The following SND1 variants were observed in gnomAD, a reference collection of about 807,000 sequenced individuals.
The protein encoded by SND1 is staphylococcal nuclease and tudor domain containing 1.
In SND1, 38 loss-of-function variants were observed where a neutral mutation model predicts 121.7. The ratio of observed to expected loss-of-function variants is 0.31; its 90% confidence interval spans 0.24 to 0.41. The LOEUF is 0.41. Ranked by LOEUF, SND1 falls within the 10% of genes least tolerant of loss-of-function variation. The pLI, the probability that SND1 is intolerant of heterozygous loss-of-function variation, is 1.00. For synonymous variants in SND1, 401 were observed against 447.4 expected (o/e 0.90, Z 1.31); for missense variants, 868 against 1,184.6 (o/e 0.73, Z 3.92).
chr7:128,031,002 T>C (rs1380910013), intron 16 of SND1: 1 of 159,274 alleles, frequency 6.3e-6, no homozygotes, highest in Non-Finnish European at 1.4e-5. Context: ...GACTTCTTAG[T>C]TTTAATTAAC....
intron 16 of SND1, chr7:127,999,220 T>C (rs908063547): frequency 6.6e-6 from 1 of 152,066 alleles, no homozygotes; most frequent in African/African-American, 2.4e-5. Context: ...CCTTGGAACA[T>C]GTAGGAAGGC....
intron 1 of SND1, among the ~76,000 whole-genome samples, chr7:127,659,946 A>T (rs1235535975): frequency 6.6e-6 from 1 of 151,656 alleles, no homozygotes; most frequent in African/African-American, 2.4e-5. Context: ...GAAATCTCAT[A>T]CCTTAACGGC....
In SND1 at chr7:128,029,643, A is replaced by T. The variant is rs1487193136; in HGVS notation, c.1779+38587A>T. The T allele has an allele frequency of 1.2e-6, 2 of 1,613,884 alleles. No individual in the cohort carries two copies. Among genetic ancestry groups the T allele is most frequent in the Non-Finnish European group, 1.7e-6 (2 of 1,180,006 alleles). On this transcript the variant is annotated intron_variant, in intron 16 of 23. Transcript: ENST00000354725. This position sits in a 1 kb window ranked among gnomAD's most constrained non-coding sequence, Gnocchi z 4.2. The stretch of plus-strand genomic sequence containing the variant: ...CACGAGGTAGCGGCCTCGCATGTGC[A>T]TGGGAGCATGACAGCGGCCACAGCA...
At chr7:127,694,654 C>G (rs1315731557) in intron 2 of SND1, 174 bp from the exon 3 acceptor site, 2 of 685,908 alleles carry the variant, frequency 2.9e-6, no homozygotes, top group Non-Finnish European at 4.7e-6. Context: ...TTATGAGCCC[C>G]CTAAGTGTGC....
chr7:128,045,273 C>T (rs1293651489), intron 16 of SND1, among the ~76,000 whole-genome samples: 1 of 152,218 alleles, frequency 6.6e-6, no homozygotes, highest in Admixed American at 6.5e-5. Context: ...CTCCTCCCCA[C>T]CCCACCCAGT....
At chr7:127,683,967 T>G (rs1795771346) in intron 1 of SND1, among the ~76,000 whole-genome samples, 1 of 152,230 alleles carries the variant, frequency 6.6e-6, no homozygotes, top group African/African-American at 2.4e-5. Context: ...TTTGCACAAT[T>G]ACTGTGTACA....
chr7:127,655,556 A>G (rs1795195561), intron 1 of SND1, among the ~76,000 whole-genome samples: 1 of 152,244 alleles, frequency 6.6e-6, no homozygotes, highest in African/African-American at 2.4e-5. Context: ...TGAGACTAGC[A>G]AGTATGTGGG....
At chr7:127,837,990 C>G (rs1798896621) in intron 11 of SND1, among the ~76,000 whole-genome samples, 1 of 152,172 alleles carries the variant, frequency 6.6e-6, no homozygotes, top group African/African-American at 2.4e-5. Flanking sequence ...GCCCCTACTG[C>G]TATGTTGTTC....
Position 127,767,472 on chromosome 7 carries a change from G to A in SND1, c.1153-40012G>A, listed in dbSNP as rs190816009. 5.4e-3 allele frequency among the ~76,000 whole-genome samples: 825 copies of A among 152,316 alleles called. 11 individuals carry two copies. The highest frequency in any genetic ancestry group is 0.02 in the Middle Eastern group (6 of 294). On this transcript the variant is annotated intron_variant, in intron 10 of 23. Transcript: ENST00000354725. ...ATAAAATGCAAATGTCTTTGAAATG[G>A]TAGACTTCCAATTAAAAGGCTCCAG...
At chr7:127,718,124 A>C (rs930814078) in intron 9 of SND1, among the ~76,000 whole-genome samples, 1 of 152,116 alleles carries the variant, frequency 6.6e-6, no homozygotes, top group Non-Finnish European at 1.5e-5. Flanking sequence ...GACTTTTTCC[A>C]TGTAGACTTT....
chr7:127,951,831 AAAAAC>A (rs1392090530), intron 15 of SND1, among the ~76,000 whole-genome samples: 12 of 152,226 alleles, frequency 7.9e-5, no homozygotes, highest in Admixed American at 3.3e-4. Flanking sequence ...TGAAAAAAGC[AAAAAC>A]AAAACAAAAC....
chr7:127,673,340 C>G (rs1001415324), intron 1 of SND1, among the ~76,000 whole-genome samples: 3 of 151,878 alleles, frequency 2.0e-5, no homozygotes, highest in Non-Finnish European at 1.5e-5. Flanking sequence ...GAGATGGAGT[C>G]TCGCTCTGTC....
intron 16 of SND1, among the ~76,000 whole-genome samples, chr7:128,043,826 TTA>T (rs1001802961): frequency 2.8e-5 from 4 of 141,994 alleles, no homozygotes; most frequent in African/African-American, 1.1e-4. Context: ...TTGTGTATCT[TTA>T]TATATGTATA....
At chr7:128,054,059 G>T (rs912334016) in intron 16 of SND1, among the ~76,000 whole-genome samples, 2 of 152,224 alleles carry the variant, frequency 1.3e-5, no homozygotes, top group African/African-American at 2.4e-5. Context: ...CGCCGCTAAG[G>T]CCACTGTCAG....
At chr7:127,860,292 A>G (rs1226463354) in intron 12 of SND1, among the ~76,000 whole-genome samples, 3 of 152,214 alleles carry the variant, frequency 2.0e-5, no homozygotes, top group Non-Finnish European at 2.9e-5. Flanking sequence ...AGCAGTAGCA[A>G]TGAAGCCACA....
rs1158719143 is a variant in SND1 at position 127,862,598 on chromosome 7, T to C, written c.1343+18174T>C. Among the ~76,000 whole-genome samples, 3 of 152,276 alleles carry C rather than the reference T, an allele frequency of 2.0e-5. No individual in the cohort carries two copies. In the East Asian group the frequency reaches 5.8e-4, roughly 29 times the overall value. ...ACAGAAGTGATTTAATGCTGAGTTTTTAATGATTCCTTCATTAATCCTGGT... is the reference window on the plus strand; with the variant it reads ...ACAGAAGTGATTTAATGCTGAGTTTCTAATGATTCCTTCATTAATCCTGGT... On this transcript the variant is annotated intron_variant, in intron 12 of 23. Transcript: ENST00000354725.
chr7:127,696,125 G>A (rs753867392), intron 3 of SND1, among the ~76,000 whole-genome samples: 1 of 152,126 alleles, frequency 6.6e-6, no homozygotes, highest in Non-Finnish European at 1.5e-5. Context: ...CTTTCAGATA[G>A]CTCATGTAAC....
chr7:128,047,907 G>C (rs1310139723), intron 16 of SND1, among the ~76,000 whole-genome samples: 5 of 152,024 alleles, frequency 3.3e-5, no homozygotes, highest in Admixed American at 1.3e-4. Flanking sequence ...GAGTGCAATG[G>C]TGTGATCTCG....
At chr7:127,808,261 C>T (rs1241020361) in intron 11 of SND1, among the ~76,000 whole-genome samples, 1 of 150,392 alleles carries the variant, frequency 6.6e-6, no homozygotes, top group African/African-American at 2.5e-5. Context: ...ACCCTGAGTT[C>T]AAGCATTTCT....
Sources: allele counts gnomAD v4.1 joint callset (sites outside exome capture counted in the v4.1 genomes callset), GRCh38; gene constraint gnomAD v4.1.1; non-coding constraint Gnocchi (gnomAD v3.1); transcripts MANE v1.5; gene names NCBI Gene and HGNC (gene_info 2026-07-23, HGNC 2026-07-21).